The following NAE1 variants were observed in gnomAD, a reference collection of about 807,000 sequenced individuals.
The protein encoded by NAE1 is NEDD8 activating enzyme E1 subunit 1, also known as NEDD8-activating enzyme E1 regulatory subunit.
A neutral mutation model predicts 88.0 loss-of-function variants in NAE1; 59 were observed. The observed-to-expected ratio is 0.67, with a 90% CI of 0.54 to 0.83. The LOEUF (loss-of-function observed/expected upper bound fraction) is 0.83, where lower values mean the gene tolerates loss of function less well. Ranked by LOEUF, NAE1 falls within the 40% of genes least tolerant of loss-of-function variation. NAE1 has a pLI of 0.00. For synonymous variants in NAE1, 186 were observed against 208.9 expected (o/e 0.89, Z 0.95); for missense variants, 554 against 632.8 (o/e 0.88, Z 1.34).
intron 14 of NAE1, 92 bp from the exon 15 acceptor site, chr16:66,810,505 G>C: frequency 8.0e-7 from 1 of 1,243,396 alleles, no homozygotes; most frequent in Non-Finnish European, 1.2e-6. Flanking sequence ...AGATGGGAAG[G>C]CTTTCTCCAA....
At chr16:66,820,959 C>T (rs1960233649) in intron 7 of NAE1, among the ~76,000 whole-genome samples, 1 of 150,570 alleles carries the variant, frequency 6.6e-6, no homozygotes, top group African/African-American at 2.5e-5. Flanking sequence ...ATCCCAGATA[C>T]TTGGGAGGCT....
intron 6 of NAE1, among the ~76,000 whole-genome samples, chr16:66,822,799 A>T (rs1274486195): frequency 6.7e-6 from 1 of 149,970 alleles, no homozygotes; most frequent in Non-Finnish European, 1.5e-5. Context: ...CTTCCCGAGT[A>T]GCTGGGACTA....
chr16:66,815,961 G>A (rs1204463699), intron 11 of NAE1, among the ~76,000 whole-genome samples: 1 of 151,992 alleles, frequency 6.6e-6, no homozygotes, highest in African/African-American at 2.4e-5. Context: ...ACCGCGCCTG[G>A]CCCCAGCCAG....
chr16:66,814,712 C>T (rs545271816), intron 11 of NAE1, among the ~76,000 whole-genome samples: 6 of 152,194 alleles, frequency 3.9e-5, no homozygotes, highest in Admixed American at 1.3e-4. Flanking sequence ...TGCTTCCACT[C>T]CCAGTCCCCT....
chr16:66,805,951 C>T lies in NAE1; in HGVS notation c.1406G>A (p.Gly469Asp). The stretch of plus-strand genomic sequence containing the variant: ...ATCATCTTTCACCATTACAGATAAA[C>T]CATATTCCTGAAGGAAGCCAGTGAG... ...SCLTGFLQEY[G>D]LSVMVKDDYV... The change falls in exon 18 of 20, where the codon GGT becomes GAT. Residue 469 changes from glycine to aspartate, a missense_variant. Physicochemically the swap from Gly to Asp is moderately conservative, Grantham distance 94. Coordinates refer to ENST00000290810, the MANE Select transcript of NAE1 (RefSeq NM_003905.4). 1.2e-6 allele frequency: 2 copies of T among 1,613,138 alleles called. No homozygotes were observed. Among genetic ancestry groups the T allele is most frequent in the South Asian group, 2.2e-5 (2 of 90,836 alleles).
intron 13 of NAE1, among the ~76,000 whole-genome samples, chr16:66,812,810 C>T (rs1392067100): frequency 6.6e-6 from 1 of 150,794 alleles, no homozygotes; most frequent in African/African-American, 2.4e-5. Context: ...TGAGCCACCA[C>T]GCCCGGCCTA....
chr16:66,829,089 A>G (rs982442355), intron 1 of NAE1, among the ~76,000 whole-genome samples: 4 of 152,102 alleles, frequency 2.6e-5, no homozygotes, highest in Admixed American at 1.3e-4. Flanking sequence ...TGGCCCAACT[A>G]ACGTGAAGTA....
At position 66,809,058 on chromosome 16, in the gene NAE1, G is replaced by C. The variant is rs759084335; in HGVS notation, c.1168C>G (p.Leu390Val). 7 of 1,611,828 alleles carry C rather than the reference G, an allele frequency of 4.3e-6. No homozygotes were observed. The Admixed American group carries it at 1.2e-4, about 27-fold the overall frequency. The change falls in exon 16 of 20, where the codon CTT becomes GTT. Residue 390 changes from leucine to valine, a missense_variant. Physicochemically the swap from Leu to Val is conservative, Grantham distance 32. Coordinates refer to ENST00000290810, the MANE Select transcript of NAE1 (RefSeq NM_003905.4). ...AAGGATCGACATCTTACCACTCGAAGAAATGCAGAATTGCTGCCTGAACAG... is the reference window on the plus strand; with the variant it reads ...AAGGATCGACATCTTACCACTCGAACAAATGCAGAATTGCTGCCTGAACAG... The part of the protein sequence containing the change: ...LKLLCSNSAF[L>V]RVVRCRSLAE...
In NAE1 at chr16:66,826,672, G is replaced by C; in HGVS notation, c.157+5C>G. 1 of 1,613,842 alleles carries C rather than the reference G, an allele frequency of 6.2e-7. No homozygotes were observed. The highest frequency in any genetic ancestry group is 1.1e-5 in the South Asian group (1 of 91,018). On this transcript the variant is annotated splice_donor_5th_base_variant and intron_variant, in intron 2 of 19. Coordinates refer to ENST00000290810, the MANE Select transcript of NAE1 (RefSeq NM_003905.4). ...ATTTAGAACACAACCACAAACCTAC[G>C]TTACCTGGTAGTACCAAGTTTTTAA...
At chr16:66,830,764 A>ACCGCGCCGC in intron 1 of NAE1, 83 bp downstream of exon 1, 4 of 1,350,954 alleles carry the variant, frequency 3.0e-6, no homozygotes, top group African/African-American at 1.5e-5. Context: ...GGAAGGCCCG[A>ACCGCGCCGC]CCGCGCCGCC....
In NAE1 at chr16:66,826,567, T is replaced by A; in HGVS notation, c.174A>T (p.Thr58=). ...NLVLPGIGSF[T]IIDGNQVSGE... is the part of the protein sequence containing the mutation. ...CGCTGACCTGATTTCCATCAATAAT[T>A]GTAAACGAACCAATACCTGAGAGCC... Residue 58 remains threonine, a synonymous_variant, in exon 3 of 20, where the codon ACA becomes ACT. Coordinates refer to ENST00000290810, the MANE Select transcript of NAE1 (RefSeq NM_003905.4). The A allele has an allele frequency of 6.2e-7, 1 of 1,614,124 alleles. No individual in the cohort carries two copies. The highest frequency in any genetic ancestry group is 8.5e-7 in the Non-Finnish European group (1 of 1,180,022).
chr16:66,810,492 G>T, intron 14 of NAE1, 79 bp from the exon 15 acceptor site: 2 of 1,320,524 alleles, frequency 1.5e-6, no homozygotes, highest in Non-Finnish European at 1.1e-6. Context: ...GCCAATCACT[G>T]TGAGATGGGA....
chr16:66,803,250 GCTTA>G (rs934275970), intron 19 of NAE1, 132 bp from the exon 20 acceptor site: 1 of 617,226 alleles, frequency 1.6e-6, no homozygotes, highest in African/African-American at 1.9e-5. Context: ...GATGCAGTTA[GCTTA>G]CTGAGTCATA....
chr16:66,817,771 CTAAG>C (rs200345084), intron 8 of NAE1, among the ~76,000 whole-genome samples: 1,935 of 152,182 alleles, frequency 0.013, 18 homozygotes, highest in Non-Finnish European at 0.021. Flanking sequence ...GACACCAATC[CTAAG>C]TAAGAAAGGA....
intron 4 of NAE1, among the ~76,000 whole-genome samples, chr16:66,824,057 T>C (rs1960368010): frequency 1.3e-5 from 2 of 152,146 alleles, no homozygotes; most frequent in African/African-American, 2.4e-5. Flanking sequence ...CTCCTAGTGT[T>C]TAAGACTCAA....
At chr16:66,812,513 C>CTTTTTTTTTT (rs961953416) in intron 13 of NAE1, among the ~76,000 whole-genome samples, 1 of 103,674 alleles carries the variant, frequency 9.6e-6, no homozygotes, top group Non-Finnish European at 1.9e-5. Context: ...CCCCTAAGTT[C>CTTTTTTTTTT]TTTTTTTTTT....
chr16:66,803,260 T>A, intron 19 of NAE1, 142 bp from the exon 20 acceptor site: 1 of 610,606 alleles, frequency 1.6e-6, no homozygotes, highest in Non-Finnish European at 2.9e-6. Context: ...GCTTACTGAG[T>A]CATATCAACA....
chr16:66,826,246 G>A (rs1387578551), intron 3 of NAE1: 4 of 428,466 alleles, frequency 9.3e-6, no homozygotes, highest in Non-Finnish European at 1.7e-5. Flanking sequence ...ATCAATACAA[G>A]AGCTTAGGAA....
chr16:66,811,223 T>A (rs1284057610), intron 13 of NAE1, among the ~76,000 whole-genome samples: 2 of 152,170 alleles, frequency 1.3e-5, no homozygotes, highest in African/African-American at 4.8e-5. Context: ...AGTGGCGCAG[T>A]CCTGGCTCAC....
Sources: allele counts gnomAD v4.1 joint callset (sites outside exome capture counted in the v4.1 genomes callset), GRCh38; gene constraint gnomAD v4.1.1; transcripts MANE v1.5; gene names NCBI Gene and HGNC (gene_info 2026-07-23, HGNC 2026-07-21).